The following SLC35F1 variants were observed in gnomAD, a reference collection of about 807,000 sequenced individuals.
SLC35F1 encodes the protein solute carrier family 35 member F1.
Under a neutral mutation model 48.7 loss-of-function variants are expected in SLC35F1, and 14 were observed. The ratio of observed to expected loss-of-function variants is 0.29; its 90% CI spans 0.19 to 0.45. The LOEUF is 0.45. Among genes scored for constraint, SLC35F1 ranks in the 20% least tolerant of loss-of-function variants. The pLI is 1.00. For synonymous variants in SLC35F1, 190 were observed against 202.2 expected (o/e 0.94, Z 0.51); for missense variants, 404 against 500.0 (o/e 0.81, Z 1.83).
chr6:118,149,412 A>G (rs1301706315), intron 1 of SLC35F1, among the ~76,000 whole-genome samples: 2 of 152,200 alleles, frequency 1.3e-5, no homozygotes, highest in Non-Finnish European at 2.9e-5. Flanking sequence ...TCCTGTGCTA[A>G]TAGAGAACGA....
At position 117,907,324 on chromosome 6, in the gene SLC35F1, G is replaced by A. The variant is rs1775697562; in HGVS notation, c.-403G>A. The stretch of plus-strand genomic sequence containing the variant: ...CTGAGGCGGCGCCAGCACAACTGCC[G>A]CCGCGCGCCCCGAGGAGACCCGGGC... On this transcript the variant is annotated 5_prime_UTR_variant, in exon 1 of 8. Coordinates refer to ENST00000360388, the MANE Select transcript of SLC35F1 (RefSeq NM_001029858.4). 1.3e-5 allele frequency among the ~76,000 whole-genome samples: 2 copies of A among 150,934 alleles called. No homozygotes were observed. Among genetic ancestry groups the A allele is most frequent in the Non-Finnish European group, 3.0e-5 (2 of 67,680 alleles).
intron 1 of SLC35F1, among the ~76,000 whole-genome samples, chr6:118,129,328 G>A (rs189977625): frequency 1.1e-3 from 170 of 152,234 alleles, no homozygotes; most frequent in African/African-American, 2.2e-3. Context: ...GTGGGAATAC[G>A]AAGAAGCAGG....
chr6:118,173,413 A>C (rs573880045), intron 2 of SLC35F1, among the ~76,000 whole-genome samples: 1 of 151,838 alleles, frequency 6.6e-6, no homozygotes, highest in Non-Finnish European at 1.5e-5. Flanking sequence ...CAAAAAAAAA[A>C]CAGCCAAAAC....
chr6:118,137,354 A>G (rs778098695), intron 1 of SLC35F1, among the ~76,000 whole-genome samples: 4 of 152,238 alleles, frequency 2.6e-5, no homozygotes, highest in African/African-American at 7.2e-5. Context: ...CTTTTCCAAG[A>G]GTGGAAGAAA....
At chr6:118,274,971 G>A (rs906399171) in intron 4 of SLC35F1, among the ~76,000 whole-genome samples, 6 of 152,106 alleles carry the variant, frequency 3.9e-5, no homozygotes, top group Admixed American at 3.9e-4. Flanking sequence ...TAAACTGCTG[G>A]AAAATGTCCT....
intron 3 of SLC35F1, among the ~76,000 whole-genome samples, chr6:118,262,228 C>A (rs1307465842): frequency 6.6e-6 from 1 of 151,890 alleles, no homozygotes; most frequent in Admixed American, 6.6e-5. Flanking sequence ...CTGCGGAGTG[C>A]TGGCAAAGGA....
chr6:118,071,159 C>T (rs369034995), intron 1 of SLC35F1, among the ~76,000 whole-genome samples: 1,686 of 135,966 alleles, frequency 0.012, 54 homozygotes, highest in African/African-American at 0.043. Context: ...TATGTATATA[C>T]ACACATAGAA....
At position 118,116,779 on chromosome 6, in the gene SLC35F1, A is replaced by C. The variant is rs187275929; in HGVS notation, c.174-37666A>C. Among the ~76,000 whole-genome samples, 643 of 152,280 alleles carry C rather than the reference A, an allele frequency of 4.2e-3. 7 individuals carry two copies. Among genetic ancestry groups the C allele is most frequent in the African/African-American group, 0.015 (607 of 41,550 alleles). Reference sequence around the variant, plus strand: ...ATGACCACTAGCTCATTCCCTGTGCAGTCTAAATTTTGACCCATGACTTTG... The same window carrying C: ...ATGACCACTAGCTCATTCCCTGTGCCGTCTAAATTTTGACCCATGACTTTG... On this transcript the variant is annotated intron_variant, in intron 1 of 7. Transcript: ENST00000360388.
At chr6:117,912,977 T>C (rs759222182) in intron 1 of SLC35F1, among the ~76,000 whole-genome samples, 3 of 152,256 alleles carry the variant, frequency 2.0e-5, no homozygotes, top group African/African-American at 4.8e-5. Context: ...CATCTATAGA[T>C]GTAGAAGGTA....
At chr6:118,229,705 A>G (rs1426778029) in intron 2 of SLC35F1, among the ~76,000 whole-genome samples, 2 of 152,344 alleles carry the variant, frequency 1.3e-5, no homozygotes, top group East Asian at 3.9e-4. Context: ...TGGAGTTAGT[A>G]GTAGCATCTA....
chr6:117,997,893 C>T (rs1777020199), intron 1 of SLC35F1, among the ~76,000 whole-genome samples: 1 of 152,078 alleles, frequency 6.6e-6, no homozygotes, highest in Non-Finnish European at 1.5e-5. Context: ...CAGCTAACAT[C>T]ATAATGACAG....
At chr6:118,158,473 G>A (rs930289844) in intron 2 of SLC35F1, among the ~76,000 whole-genome samples, 18 of 152,146 alleles carry the variant, frequency 1.2e-4, no homozygotes, top group African/African-American at 4.3e-4. Flanking sequence ...TCTGAGCCAC[G>A]TGTTGCCACT....
At position 118,294,400 on chromosome 6, in the gene SLC35F1, G is replaced by C. The variant is rs1582774836; in HGVS notation, c.1002+9062G>C. Among the ~76,000 whole-genome samples, 8 of 152,278 alleles carry C rather than the reference G, an allele frequency of 5.3e-5. No individual in the cohort carries two copies. The South Asian group carries it at 1.7e-3, about 32-fold the overall frequency. On this transcript the variant is annotated intron_variant, in intron 7 of 7. Transcript: ENST00000360388. ...TAAAATGCCAAACAGTTCTTTCACT[G>C]TATGCCATCGCGTGCTGAACATTCT...
chr6:117,914,163 C>G (rs1030419381), intron 1 of SLC35F1, among the ~76,000 whole-genome samples: 11 of 150,406 alleles, frequency 7.3e-5, no homozygotes, highest in Non-Finnish European at 8.9e-5. Flanking sequence ...TATACACACA[C>G]GTGTATATGT....
chr6:118,265,861 G>C (rs1775767045), intron 3 of SLC35F1, among the ~76,000 whole-genome samples: 1 of 152,142 alleles, frequency 6.6e-6, no homozygotes, highest in Non-Finnish European at 1.5e-5. Flanking sequence ...TTCCTCATGT[G>C]GTACAAGGAA....
At chr6:118,227,355 T>C (rs1425529821) in intron 2 of SLC35F1, among the ~76,000 whole-genome samples, 2 of 152,220 alleles carry the variant, frequency 1.3e-5, no homozygotes, top group Admixed American at 6.5e-5. Context: ...AGGCATCAAC[T>C]AGACAGGATT....
rs974710395 is a variant in SLC35F1 at position 118,316,830 on chromosome 6, C to T, written c.*2578C>T. On this transcript the variant is annotated 3_prime_UTR_variant, in exon 8 of 8. Transcript: ENST00000360388. ...CTCAGACTTTCATGTCCCTGGGTGA[C>T]CTCAATGTGTTGGTTTGTCTCCATT... The T allele has an allele frequency of 2.6e-5, 4 of 152,066 alleles. No individual in the cohort carries two copies. Among genetic ancestry groups the T allele is most frequent in the Non-Finnish European group, 5.9e-5 (4 of 68,016 alleles). 9.4% of individuals were successfully genotyped at this position (152,066 alleles called of 1,614,324 possible). A position where few individuals can be genotyped will look rare whatever the true frequency, so the allele number is the denominator to read the frequency against.
rs1554219355 is a variant in SLC35F1, at chr6:117,966,136, C to CCA, written c.173+58238_173+58239insAC. The stretch of plus-strand genomic sequence containing the variant: ...GGGAATAAAAGCAGGCCACCGCCCC[C>CCA]CCCCCCACTCCCGCCCCGCCCCAAG... On this transcript the variant is annotated intron_variant, in intron 1 of 7. Transcript: ENST00000360388. 2.8e-5 allele frequency among the ~76,000 whole-genome samples: 4 copies of CCA among 140,934 alleles called. 1 individual carries two copies. The highest frequency in any genetic ancestry group is 1.1e-4 in the African/African-American group (4 of 37,694). 92.5% of individuals were successfully genotyped at this position (140,934 alleles called of 152,430 possible).
intron 1 of SLC35F1, among the ~76,000 whole-genome samples, chr6:118,074,892 C>T (rs1438029720): frequency 6.6e-6 from 1 of 152,188 alleles, no homozygotes; most frequent in East Asian, 1.9e-4. Context: ...AATCTTCCAT[C>T]CTTGGACTAC....
Sources: allele counts gnomAD v4.1 joint callset (sites outside exome capture counted in the v4.1 genomes callset), GRCh38; gene constraint gnomAD v4.1.1; transcripts MANE v1.5; gene names NCBI Gene and HGNC (gene_info 2026-07-23, HGNC 2026-07-21).